CARMIL1: variants seen among roughly 807,000 people sequenced by gnomAD.
CARMIL1 encodes the protein capping protein regulator and myosin 1 linker 1.
In CARMIL1, 90 loss-of-function variants were observed where a neutral mutation model predicts 177.1. That is an observed-to-expected ratio of 0.51 (90% confidence interval 0.43 to 0.61). The LOEUF is 0.61. CARMIL1 is among the 20% of genes least tolerant of loss of function. The probability of loss-of-function intolerance (pLI) is 0.00; values close to 1 mark genes in which losing one functional copy is unlikely to be tolerated. For missense variants in CARMIL1, 1,380 were observed against 1,667.0 expected, an observed-to-expected ratio of 0.83 and a Z score of 3.00; for synonymous variants, 577 against 606.2, an observed-to-expected ratio of 0.95 and a Z score of 0.71.
At chr6:25,361,852 T>G (rs1192934598) in intron 2 of CARMIL1, among the ~76,000 whole-genome samples, 1 of 152,182 alleles carries the variant, frequency 6.6e-6, no homozygotes, top group Non-Finnish European at 1.5e-5. Context: ...CTCTACTATG[T>G]TATGACATAG....
intron 16 of CARMIL1, among the ~76,000 whole-genome samples, chr6:25,499,551 T>G (rs895442962): frequency 1.3e-5 from 2 of 152,194 alleles, no homozygotes; most frequent in African/African-American, 4.8e-5. Context: ...AAATTCCTTT[T>G]CAGAGCAGTG....
At chr6:25,363,508 A>G (rs1789448369) in intron 2 of CARMIL1, among the ~76,000 whole-genome samples, 1 of 152,162 alleles carries the variant, frequency 6.6e-6, no homozygotes, top group South Asian at 2.1e-4. Flanking sequence ...AAAAAGTGTT[A>G]GCATTTTCCT....
chr6:25,565,324 AGTGGTG>A (rs1811456005), intron 29 of CARMIL1, among the ~76,000 whole-genome samples: 2 of 152,214 alleles, frequency 1.3e-5, no homozygotes, highest in Non-Finnish European at 2.9e-5. Context: ...TTGCAGAAAC[AGTGGTG>A]ACTTCTGTTT....
chr6:25,510,414 C>T, intron 18 of CARMIL1, 93 bp from the exon 19 acceptor site: 1 of 705,242 alleles, frequency 1.4e-6, no homozygotes, highest in Non-Finnish European at 2.4e-6. Context: ...GGAAGTCATC[C>T]AACTATATGT....
At chr6:25,349,395 A>G (rs1017993982) in intron 2 of CARMIL1, among the ~76,000 whole-genome samples, 2 of 152,232 alleles carry the variant, frequency 1.3e-5, no homozygotes, top group African/African-American at 4.8e-5. Flanking sequence ...TATTAACCAA[A>G]TGAAATGACA....
chr6:25,608,752 T>C (rs1269393735), intron 35 of CARMIL1, among the ~76,000 whole-genome samples: 2 of 152,212 alleles, frequency 1.3e-5, no homozygotes, highest in Non-Finnish European at 2.9e-5. Context: ...CATCCCTGCT[T>C]ATTTTGGTTA....
At chr6:25,489,070 CAGG>C (rs952287483) in intron 13 of CARMIL1, among the ~76,000 whole-genome samples, 13 of 152,154 alleles carry the variant, frequency 8.5e-5, no homozygotes, top group African/African-American at 2.9e-4. Flanking sequence ...GAGGCTGAGG[CAGG>C]AGAAGTGCTT....
chr6:25,312,732 C>G (rs942857786), intron 2 of CARMIL1, among the ~76,000 whole-genome samples: 2 of 151,058 alleles, frequency 1.3e-5, no homozygotes, highest in Admixed American at 6.6e-5. Flanking sequence ...CCATCCCCCC[C>G]ACTTTCAGAT....
chr6:25,538,836 C>T (rs1265760705), intron 25 of CARMIL1, among the ~76,000 whole-genome samples: 2 of 152,118 alleles, frequency 1.3e-5, no homozygotes, highest in Non-Finnish European at 2.9e-5. Flanking sequence ...AGCCCACCCC[C>T]TGGACGCCAT....
At chr6:25,497,402 G>C (rs934979909) in intron 16 of CARMIL1, among the ~76,000 whole-genome samples, 1 of 152,140 alleles carries the variant, frequency 6.6e-6, no homozygotes, top group Admixed American at 6.5e-5. Context: ...GTTGAAGATT[G>C]GGTTTCCTGA....
intron 5 of CARMIL1, among the ~76,000 whole-genome samples, chr6:25,439,930 T>C (rs1797582582): frequency 6.6e-6 from 1 of 152,164 alleles, no homozygotes; most frequent in Non-Finnish European, 1.5e-5. Flanking sequence ...GAGACTGCCC[T>C]AATAAATAAA....
At chr6:25,545,410 A>T (rs1007278992) in intron 26 of CARMIL1, among the ~76,000 whole-genome samples, 5 of 119,660 alleles carry the variant, frequency 4.2e-5, no homozygotes, top group African/African-American at 1.6e-4. Context: ...GTGTGTGAGC[A>T]TCTAATCATA....
intron 3 of CARMIL1, 180 bp downstream of exon 3, chr6:25,420,344 A>G (rs1441220002): frequency 2.2e-5 from 14 of 630,352 alleles, no homozygotes; most frequent in Middle Eastern, 5.1e-4. Context: ...CTCTTAGCAC[A>G]TTCAAGTTTT....
intron 2 of CARMIL1, among the ~76,000 whole-genome samples, chr6:25,301,325 A>C (rs1318938572): frequency 1.9e-4 from 29 of 151,236 alleles, no homozygotes; most frequent in Admixed American, 1.9e-3. Context: ...TAGGAGGTGG[A>C]ATTGGGTGAC....
intron 29 of CARMIL1, among the ~76,000 whole-genome samples, chr6:25,578,718 A>C (rs1363893256): frequency 6.6e-6 from 1 of 152,204 alleles, no homozygotes; most frequent in African/African-American, 2.4e-5. Context: ...TATTTTAGCA[A>C]AAGACCATTG....
In CARMIL1 at chr6:25,315,039, A is replaced by C. The variant is rs1313533877; in HGVS notation, c.138+30130A>C. Among the ~76,000 whole-genome samples, 3 of 152,198 alleles carry C rather than the reference A, an allele frequency of 2.0e-5. 1 individual carries two copies. Among genetic ancestry groups the C allele is most frequent in the Admixed American group, 2.0e-4 (3 of 15,276 alleles). On this transcript the variant is annotated intron_variant, in intron 2 of 36. Transcript: ENST00000329474. ...TAAAAGCTTCCTATATGTCAGTACT[A>C]TATGTATTATCTGTTTTAATCCTCA...
At position 25,450,330 on chromosome 6, in the gene CARMIL1, A is replaced by G. The variant is rs371033239; in HGVS notation, c.470-9A>G. The G allele has an allele frequency of 1.1e-5, 17 of 1,608,558 alleles. No individual in the cohort carries two copies. Among genetic ancestry groups the G allele is most frequent in the Non-Finnish European group, 1.3e-5 (15 of 1,175,478 alleles). On this transcript the variant is annotated splice_polypyrimidine_tract_variant and intron_variant, in intron 6 of 36. Transcript: ENST00000329474. ...AAAGACCTGTCAGTGTTTTTGTTGTATGTTTCAGGTGGATTTTCTCAGATG... is the reference window on the plus strand; with the variant it reads ...AAAGACCTGTCAGTGTTTTTGTTGTGTGTTTCAGGTGGATTTTCTCAGATG...
At chr6:25,616,227 G>A (rs1390460185) in intron 36 of CARMIL1, among the ~76,000 whole-genome samples, 1 of 152,114 alleles carries the variant, frequency 6.6e-6, no homozygotes, top group African/African-American at 2.4e-5. Flanking sequence ...TGCCTAAGAG[G>A]AGGTCTGTCT....
intron 2 of CARMIL1, among the ~76,000 whole-genome samples, chr6:25,313,700 T>A (rs1186123210): frequency 1.3e-5 from 2 of 150,112 alleles, no homozygotes. Flanking sequence ...TACAGTTATT[T>A]GGGAGAAACC....
Sources: allele counts gnomAD v4.1 joint callset (sites outside exome capture counted in the v4.1 genomes callset), GRCh38; gene constraint gnomAD v4.1.1; transcripts MANE v1.5; gene names NCBI Gene and HGNC (gene_info 2026-07-23, HGNC 2026-07-21).